Variants in PPM1H observed in about 807,000 individuals in gnomAD.
PPM1H encodes protein phosphatase, Mg2+/Mn2+ dependent 1H, also known as protein phosphatase 1H.
Under a neutral mutation model 54.9 loss-of-function variants are expected in PPM1H, and 27 were observed. The ratio of observed to expected loss-of-function variants is 0.49; its 90% CI spans 0.36 to 0.68. PPM1H has a LOEUF of 0.68. PPM1H is among the 30% of genes least tolerant of loss of function. The probability of loss-of-function intolerance (pLI) is 0.00; values close to 1 mark genes in which losing one functional copy is unlikely to be tolerated. For synonymous variants in PPM1H, 305 were observed against 270.8 expected (o/e 1.13, Z -1.24); for missense variants, 596 against 667.8 (o/e 0.89, Z 1.19).
intron 3 of PPM1H, among the ~76,000 whole-genome samples, chr12:62,796,731 C>T (rs1303030741): frequency 6.6e-6 from 1 of 152,222 alleles, no homozygotes; most frequent in African/African-American, 2.4e-5. Context: ...CAGCCCTTCT[C>T]CCCTCTCATG....
At chr12:62,680,719 C>T (rs2076014951) in intron 8 of PPM1H, among the ~76,000 whole-genome samples, 1 of 152,182 alleles carries the variant, frequency 6.6e-6, no homozygotes, top group Middle Eastern at 3.2e-3. Context: ...AAGGAAGAGC[C>T]ACCCAGCTGA....
At chr12:62,846,001 T>C (rs1044004785) in intron 1 of PPM1H, among the ~76,000 whole-genome samples, 1 of 152,184 alleles carries the variant, frequency 6.6e-6, no homozygotes, top group African/African-American at 2.4e-5. Flanking sequence ...AAGTCATAAC[T>C]ATGACTTACA....
In PPM1H at chr12:62,667,220, A is replaced by T; in HGVS notation, c.1355T>A (p.Ile452Asn). The T allele has an allele frequency of 6.2e-7, 1 of 1,601,314 alleles. No homozygotes were observed. Among genetic ancestry groups the T allele is most frequent in the Non-Finnish European group, 8.6e-7 (1 of 1,168,532 alleles). The stretch of plus-strand genomic sequence containing the variant: ...ATCACAGTTAGGAAGAAACTGAGTG[A>T]TTGCTTCTGCTACTTCTTCATTTGA... Reference protein sequence around the residue: ...VLSNEEVAEAITQFLPNCDPD... With the variant: ...VLSNEEVAEANTQFLPNCDPD... The change falls in exon 9 of 10, where the codon ATC becomes AAC. Residue 452 changes from isoleucine to asparagine, a missense_variant. Coordinates refer to ENST00000228705, the MANE Select transcript of PPM1H (RefSeq NM_020700.2).
At chr12:62,789,569 A>C (rs1377371469) in intron 3 of PPM1H, among the ~76,000 whole-genome samples, 1 of 152,236 alleles carries the variant, frequency 6.6e-6, no homozygotes, top group African/African-American at 2.4e-5. Context: ...CAATGGTAAA[A>C]CGTTTATAAT....
intron 3 of PPM1H, among the ~76,000 whole-genome samples, chr12:62,793,927 A>G (rs923185568): frequency 2.0e-5 from 3 of 152,158 alleles, no homozygotes; most frequent in African/African-American, 4.8e-5. Flanking sequence ...AAGGAAAGCA[A>G]TATCTGGTAG....
At chr12:62,897,411 G>A (rs79689780) in intron 1 of PPM1H, among the ~76,000 whole-genome samples, 3,958 of 152,138 alleles carry the variant, frequency 0.026, 136 homozygotes, top group African/African-American at 0.075. Flanking sequence ...TTATTTTCGT[G>A]GAAGAATAAA....
rs187022392 is a variant in PPM1H at position 62,927,791 on chromosome 12, T to A, written c.245+6701A>T. Among the ~76,000 whole-genome samples the A allele has an allele frequency of 4.8e-3, 727 of 151,776 alleles. 10 individuals are homozygous for A. The highest frequency in any genetic ancestry group is 0.015 in the African/African-American group (610 of 41,478). On this transcript the variant is annotated intron_variant, in intron 1 of 9. Coordinates refer to ENST00000228705, the MANE Select transcript of PPM1H (RefSeq NM_020700.2). ...ACATATGATCAGCTTTTATTTTTTT[T>A]AAAAAAATACCTATATAAAAAATCT...
intron 4 of PPM1H, among the ~76,000 whole-genome samples, chr12:62,738,412 A>G (rs976412538): frequency 6.6e-6 from 1 of 151,916 alleles, no homozygotes; most frequent in East Asian, 1.9e-4. Context: ...AAACTCATAC[A>G]CTCCAAAAAG....
intron 1 of PPM1H, among the ~76,000 whole-genome samples, chr12:62,915,920 C>G (rs1871607955): frequency 1.3e-5 from 2 of 152,104 alleles, no homozygotes; most frequent in South Asian, 4.1e-4. Context: ...CTGCTGTCTC[C>G]CTCATGTGCC....
rs944626966 is a variant in PPM1H, at chr12:62,644,313, A to AAAG, written c.*4173_*4175dup. 1.3e-5 allele frequency: 2 copies of AAAG among 152,256 alleles called. No individual in the cohort carries two copies. The highest frequency in any genetic ancestry group is 1.3e-4 in the Admixed American group (2 of 15,288). The allele number at this position is 152,256 out of a possible 1,614,324, so 9.4% of individuals were successfully genotyped here. On this transcript the variant is annotated 3_prime_UTR_variant, in exon 10 of 10. Coordinates refer to ENST00000228705, the MANE Select transcript of PPM1H (RefSeq NM_020700.2). ...CTCCCTGGGTCTCCAGAAAAAAAAC[A>AAAG]AAGAAAACTGGGGGCAAAACAGGAG...
chr12:62,753,895 G>C (rs2076455525), intron 4 of PPM1H, among the ~76,000 whole-genome samples: 1 of 152,156 alleles, frequency 6.6e-6, no homozygotes, highest in Non-Finnish European at 1.5e-5. Context: ...ATTCTTACTT[G>C]ATTTTTGTTT....
intron 1 of PPM1H, among the ~76,000 whole-genome samples, chr12:62,862,231 G>T (rs1261299019): frequency 6.6e-6 from 1 of 152,166 alleles, no homozygotes; most frequent in African/African-American, 2.4e-5. Flanking sequence ...GAAGTCGGGG[G>T]TTAGGATATA....
intron 1 of PPM1H, among the ~76,000 whole-genome samples, chr12:62,841,439 G>A (rs1868745223): frequency 6.6e-6 from 1 of 152,150 alleles, no homozygotes; most frequent in South Asian, 2.1e-4. Context: ...TTTACATATT[G>A]TCTCTTGTGG....
chr12:62,697,265 T>C (rs2076120068), intron 6 of PPM1H, among the ~76,000 whole-genome samples: 1 of 152,128 alleles, frequency 6.6e-6, no homozygotes. Context: ...TAGCTGGGAT[T>C]ACAGGTGAGT....
intron 9 of PPM1H, among the ~76,000 whole-genome samples, chr12:62,659,863 C>G (rs1335109986): frequency 6.6e-6 from 1 of 152,192 alleles, no homozygotes; most frequent in Non-Finnish European, 1.5e-5. Context: ...GGCTTCCCAC[C>G]CTGGGGAGAA....
At chr12:62,660,513 T>C (rs1015002680) in intron 9 of PPM1H, among the ~76,000 whole-genome samples, 2 of 152,028 alleles carry the variant, frequency 1.3e-5, no homozygotes. Flanking sequence ...TGGGACAGAA[T>C]AGAGAACCTG....
chr12:62,893,289 T>C lies in PPM1H; in HGVS notation c.245+41203A>G, dbSNP rs946479341. ...CAACATAAATTTGTACCTTCACAGTTCTGGAGGCTAAAAGTCCAACATCAA... is the reference window on the plus strand; with the variant it reads ...CAACATAAATTTGTACCTTCACAGTCCTGGAGGCTAAAAGTCCAACATCAA... On this transcript the variant is annotated intron_variant, in intron 1 of 9. Coordinates refer to ENST00000228705, the MANE Select transcript of PPM1H (RefSeq NM_020700.2). Among the ~76,000 whole-genome samples the C allele has an allele frequency of 2.3e-4, 35 of 152,168 alleles. 1 individual carries two copies. Among genetic ancestry groups the C allele is most frequent in the African/African-American group, 8.2e-4 (34 of 41,440 alleles).
At chr12:62,653,266 C>A (rs1179080735) in intron 9 of PPM1H, among the ~76,000 whole-genome samples, 1 of 152,182 alleles carries the variant, frequency 6.6e-6, no homozygotes, top group Non-Finnish European at 1.5e-5. Flanking sequence ...CTGAAAAATT[C>A]TCAGCCATCA....
At chr12:62,732,697 G>A (rs958018477) in intron 5 of PPM1H, among the ~76,000 whole-genome samples, 4 of 151,148 alleles carry the variant, frequency 2.6e-5, no homozygotes, top group South Asian at 2.1e-4. Flanking sequence ...TCAGCCTCCC[G>A]AGTAGCTGGG....
Sources: gnomAD v4.1 joint callset for allele counts (sites outside exome capture counted in the v4.1 genomes callset) on GRCh38, gnomAD v4.1.1 for gene constraint, MANE v1.5 for transcripts, NCBI Gene and HGNC (gene_info 2026-07-23, HGNC 2026-07-21) for gene names.